The following AUTS2 variants were observed in gnomAD, a reference collection of about 807,000 sequenced individuals.
AUTS2 encodes the protein activator of transcription and developmental regulator AUTS2.
In AUTS2, 17 loss-of-function variants were observed where a neutral mutation model predicts 112.4. The observed-to-expected ratio is 0.15, with a 90% CI of 0.10 to 0.23. AUTS2 has a LOEUF of 0.23. Ranked by LOEUF, AUTS2 falls within the 10% of genes least tolerant of loss-of-function variation. The pLI is 1.00. For synonymous variants in AUTS2, 751 were observed against 702.7 expected (o/e 1.07, Z -1.09); for missense variants, 1,510 against 1,701.6 (o/e 0.89, Z 1.98).
At chr7:70,575,760 A>T (rs1802137971) in intron 5 of AUTS2, among the ~76,000 whole-genome samples, 1 of 152,172 alleles carries the variant, frequency 6.6e-6, no homozygotes. Flanking sequence ...TATACCCATT[A>T]GGAGCATATC....
intron 5 of AUTS2, among the ~76,000 whole-genome samples, chr7:70,550,186 A>G (rs1348113712): frequency 6.6e-6 from 1 of 151,982 alleles, no homozygotes; most frequent in East Asian, 1.9e-4. Flanking sequence ...GTGGAAGGCA[A>G]CTCCCCAGAC....
chr7:70,446,329 G>A (rs543318901), intron 5 of AUTS2, among the ~76,000 whole-genome samples: 4 of 152,284 alleles, frequency 2.6e-5, no homozygotes, highest in Admixed American at 1.3e-4. Flanking sequence ...GCCGGAGTGC[G>A]TGCCGGCTGA....
At chr7:70,155,692 T>G (rs1299428181) in intron 4 of AUTS2, among the ~76,000 whole-genome samples, 1 of 152,098 alleles carries the variant, frequency 6.6e-6, no homozygotes, top group Admixed American at 6.5e-5. Context: ...ATACTCAACT[T>G]TCAAAGCATG....
intron 1 of AUTS2, among the ~76,000 whole-genome samples, chr7:69,612,986 C>T (rs1444880213): frequency 6.6e-6 from 1 of 152,128 alleles, no homozygotes; most frequent in Non-Finnish European, 1.5e-5. Flanking sequence ...CGCCTTGTGC[C>T]AGGCATTGTG....
chr7:70,652,377 G>C (rs1806552145), intron 5 of AUTS2, among the ~76,000 whole-genome samples: 1 of 151,928 alleles, frequency 6.6e-6, no homozygotes, highest in Non-Finnish European at 1.5e-5. Flanking sequence ...GACAATTTAT[G>C]CCATTTAAAG....
At chr7:70,765,412 T>A (rs191875408) in intron 8 of AUTS2, among the ~76,000 whole-genome samples, 8 of 152,270 alleles carry the variant, frequency 5.3e-5, no homozygotes, top group African/African-American at 1.9e-4. Context: ...TTCTTTTCAT[T>A]GGGCAGGGCA....
intron 1 of AUTS2, among the ~76,000 whole-genome samples, chr7:69,613,730 A>G (rs1305282332): frequency 6.6e-6 from 1 of 152,224 alleles, no homozygotes; most frequent in Non-Finnish European, 1.5e-5. Context: ...TCTAGGAAGC[A>G]GCACTTGTCT....
intron 2 of AUTS2, among the ~76,000 whole-genome samples, chr7:69,911,089 A>G (rs1795334894): frequency 6.6e-6 from 1 of 152,204 alleles, no homozygotes; most frequent in Non-Finnish European, 1.5e-5. Context: ...GGGTGGGGCT[A>G]CAGCCAAGCC....
intron 1 of AUTS2, among the ~76,000 whole-genome samples, chr7:69,678,280 AT>A (rs1796649606): frequency 6.6e-6 from 1 of 152,092 alleles, no homozygotes; most frequent in Admixed American, 6.6e-5. Flanking sequence ...CACTACTGGC[AT>A]TTTGAATTTC....
rs1164520460 is a variant in AUTS2, at chr7:70,469,216, A to G, written c.690+33435A>G. Among the ~76,000 whole-genome samples the G allele has an allele frequency of 3.9e-5, 6 of 152,354 alleles. No homozygotes were observed. The East Asian group carries it at 1.2e-3, about 29-fold the overall frequency. On this transcript the variant is annotated intron_variant, in intron 5 of 18. Coordinates refer to ENST00000342771, the MANE Select transcript of AUTS2 (RefSeq NM_015570.4). ...CTCCTAGTATGGATGGTAAGCAATGAAGAAATGTGTGTGGTGTCTGCATGC... is the reference window on the plus strand; with the variant it reads ...CTCCTAGTATGGATGGTAAGCAATGGAGAAATGTGTGTGGTGTCTGCATGC...
At chr7:70,271,296 T>G (rs1584956032) in intron 4 of AUTS2, among the ~76,000 whole-genome samples, 1 of 152,278 alleles carries the variant, frequency 6.6e-6, no homozygotes, top group African/African-American at 2.4e-5. Flanking sequence ...CAATTGCCAT[T>G]GTATCTTTTT....
intron 6 of AUTS2, among the ~76,000 whole-genome samples, chr7:70,717,672 G>C (rs1462524165): frequency 6.6e-6 from 1 of 152,176 alleles, no homozygotes; most frequent in Non-Finnish European, 1.5e-5. Flanking sequence ...TCCACTATCT[G>C]TGTAGCTTCC....
intron 1 of AUTS2, among the ~76,000 whole-genome samples, chr7:69,864,420 C>A (rs760627679): frequency 1.3e-5 from 2 of 152,266 alleles, no homozygotes; most frequent in South Asian, 4.1e-4. Flanking sequence ...AATTTGTCAT[C>A]TGAAAGCAAT....
At chr7:70,347,016 CT>C (rs1369471675) in intron 4 of AUTS2, among the ~76,000 whole-genome samples, 1 of 152,158 alleles carries the variant, frequency 6.6e-6, no homozygotes, top group Non-Finnish European at 1.5e-5. Context: ...CTTCCTGTCC[CT>C]TTATCTGGCT....
intron 6 of AUTS2, among the ~76,000 whole-genome samples, chr7:70,756,319 T>G (rs1318480701): frequency 1.3e-5 from 2 of 152,202 alleles, no homozygotes; most frequent in African/African-American, 4.8e-5. Context: ...GCCTAATTTA[T>G]TTCCACAACC....
At chr7:70,503,373 G>T (rs572641302) in intron 5 of AUTS2, among the ~76,000 whole-genome samples, 1 of 152,136 alleles carries the variant, frequency 6.6e-6, no homozygotes, top group African/African-American at 2.4e-5. Flanking sequence ...ATGTGTGCCT[G>T]TGTTATCTTT....
chr7:70,646,254 A>G (rs544836583), intron 5 of AUTS2, among the ~76,000 whole-genome samples: 1 of 152,342 alleles, frequency 6.6e-6, no homozygotes, highest in Admixed American at 6.5e-5. Context: ...TCCCAGGGAA[A>G]GATTGCAGGC....
intron 5 of AUTS2, among the ~76,000 whole-genome samples, chr7:70,635,075 C>G (rs1002016437): frequency 6.6e-6 from 1 of 152,192 alleles, no homozygotes; most frequent in Non-Finnish European, 1.5e-5. Flanking sequence ...ATTCCAAGAA[C>G]CAGAGTACCG....
At position 70,448,150 on chromosome 7, in the gene AUTS2, A is replaced by T. The variant is rs141239422; in HGVS notation, c.690+12369A>T. Among the ~76,000 whole-genome samples, 407 of 152,218 alleles carry T rather than the reference A, an allele frequency of 2.7e-3. 4 individuals carry two copies. Among genetic ancestry groups the T allele is most frequent in the African/African-American group, 8.9e-3 (370 of 41,526 alleles). On this transcript the variant is annotated intron_variant, in intron 5 of 18. Coordinates refer to ENST00000342771, the MANE Select transcript of AUTS2 (RefSeq NM_015570.4). ...CTCTCGTGCCTACAGTGTGGACATGACTTTTTGTTCTGACACGGAAATACC... is the reference window on the plus strand; with the variant it reads ...CTCTCGTGCCTACAGTGTGGACATGTCTTTTTGTTCTGACACGGAAATACC...
Sources: allele counts gnomAD v4.1 joint callset (sites outside exome capture counted in the v4.1 genomes callset), GRCh38; gene constraint gnomAD v4.1.1; transcripts MANE v1.5; gene names NCBI Gene and HGNC (gene_info 2026-07-23, HGNC 2026-07-21).